The following ROBO2 variants were observed in gnomAD, a reference collection of about 807,000 sequenced individuals.
ROBO2 encodes roundabout guidance receptor 2, also known as roundabout homolog 2.
In ROBO2, 53 loss-of-function variants were observed where a neutral mutation model predicts 160.8. That is an observed-to-expected ratio of 0.33 (90% CI 0.26 to 0.41). The LOEUF is 0.41. Ranked by LOEUF, ROBO2 falls within the 10% of genes least tolerant of loss-of-function variation. The probability of loss-of-function intolerance (pLI) is 1.00; values close to 1 mark genes in which losing one functional copy is unlikely to be tolerated. For synonymous variants in ROBO2, 664 were observed against 611.7 expected (o/e 1.09, Z -1.26); for missense variants, 1,577 against 1,722.4 (o/e 0.92, Z 1.49).
chr3:77,483,409 T>G (rs1370362091), intron 4 of ROBO2, among the ~76,000 whole-genome samples: 1 of 152,082 alleles, frequency 6.6e-6, no homozygotes, highest in Non-Finnish European at 1.5e-5. Flanking sequence ...TCTTCTTTAT[T>G]TTATGCTGGT....
chr3:77,590,435 T>C (rs2094152434), intron 17 of ROBO2, among the ~76,000 whole-genome samples: 1 of 152,198 alleles, frequency 6.6e-6, no homozygotes, highest in African/African-American at 2.4e-5. Context: ...CTTCTTGTTA[T>C]GCAGTCCGGT....
chr3:76,523,986 A>ATGTG (rs67480680), intron 2 of ROBO2, among the ~76,000 whole-genome samples: 47 of 149,438 alleles, frequency 3.1e-4, no homozygotes, highest in South Asian at 1.5e-3. Context: ...GTGTGTGTGT[A>ATGTG]TGTGTGTGTG....
chr3:76,280,888 T>C (rs1576242468), intron 2 of ROBO2, among the ~76,000 whole-genome samples: 1 of 151,984 alleles, frequency 6.6e-6, no homozygotes, highest in Non-Finnish European at 1.5e-5. Context: ...GTGAAGGTTC[T>C]TTAATAGCAT....
At chr3:76,013,347 G>A (rs1162990459) in intron 2 of ROBO2, among the ~76,000 whole-genome samples, 1 of 127,402 alleles carries the variant, frequency 7.8e-6, no homozygotes, top group Non-Finnish European at 1.6e-5. Flanking sequence ...GCACGGTGGT[G>A]TATGCGTGTA....
At position 76,146,697 on chromosome 3, in the gene ROBO2, G is replaced by GGTGTGTGC. The variant is rs1553657638; in HGVS notation, c.109+209102_109+209103insCGTGTGTG. Among the ~76,000 whole-genome samples, 120 of 136,496 alleles carry GGTGTGTGC rather than the reference G, an allele frequency of 8.8e-4. 1 individual carries two copies. Among genetic ancestry groups the GGTGTGTGC allele is most frequent in the East Asian group, 8.6e-3 (34 of 3,954 alleles). 89.5% of individuals were successfully genotyped at this position (136,496 alleles called of 152,430 possible). A position where few individuals can be genotyped will look rare whatever the true frequency, so the allele number is the denominator to read the frequency against. ...CACTTAAAAGCATGGGATTACATAG[G>GGTGTGTGC]GTGTGTGTGTGTGTGTGTGTGTGTG... On this transcript the variant is annotated intron_variant, in intron 2 of 26. Transcript: ENST00000487694.
intron 2 of ROBO2, among the ~76,000 whole-genome samples, chr3:77,277,750 C>T (rs1270252135): frequency 1.3e-5 from 2 of 152,120 alleles, no homozygotes. Flanking sequence ...GTGAATAGTG[C>T]TGCAATGAGC....
chr3:76,266,687 T>G (rs2107612562), intron 2 of ROBO2, among the ~76,000 whole-genome samples: 1 of 152,264 alleles, frequency 6.6e-6, no homozygotes, highest in East Asian at 1.9e-4. Flanking sequence ...ATTTGTCCAG[T>G]CTCATTATGA....
At chr3:77,071,845 C>A (rs1023475670) in intron 1 of ROBO2, among the ~76,000 whole-genome samples, 4 of 152,124 alleles carry the variant, frequency 2.6e-5, no homozygotes, top group Non-Finnish European at 5.9e-5. Flanking sequence ...AAATCAATAA[C>A]AAATCTATCC....
chr3:76,844,752 T>C, intron 2 of ROBO2, among the ~76,000 whole-genome samples: 1 of 151,898 alleles, frequency 6.6e-6, no homozygotes, highest in East Asian at 1.9e-4. Context: ...AATCTAGAGG[T>C]TTGCCTTTTC....
At chr3:76,979,166 A>G (rs944834422) in intron 2 of ROBO2, among the ~76,000 whole-genome samples, 2 of 151,792 alleles carry the variant, frequency 1.3e-5, no homozygotes, top group African/African-American at 4.8e-5. Flanking sequence ...TTGGTCTCGA[A>G]CTCCTGGGCT....
chr3:77,621,926 C>A (rs557645623), intron 22 of ROBO2, among the ~76,000 whole-genome samples: 1 of 151,914 alleles, frequency 6.6e-6, no homozygotes, highest in Admixed American at 6.6e-5. Flanking sequence ...TTACTCGTGG[C>A]GAATATTCCT....
At chr3:76,178,779 T>C (rs989866129) in intron 2 of ROBO2, among the ~76,000 whole-genome samples, 2 of 151,912 alleles carry the variant, frequency 1.3e-5, no homozygotes, top group East Asian at 3.9e-4. Flanking sequence ...CTGTCTCTAC[T>C]AAAAGTACAA....
intron 2 of ROBO2, among the ~76,000 whole-genome samples, chr3:76,628,433 G>GTTT (rs10670772): frequency 0.013 from 1,780 of 135,336 alleles, 45 homozygotes; most frequent in East Asian, 0.063. Flanking sequence ...TAATTTTTAG[G>GTTT]TTTTTTTTTT....
chr3:77,614,060 G>T (rs1164674587), intron 21 of ROBO2, among the ~76,000 whole-genome samples: 4 of 152,158 alleles, frequency 2.6e-5, no homozygotes, highest in Non-Finnish European at 4.4e-5. Flanking sequence ...TATTTGAGCA[G>T]GAGATTCTTG....
intron 2 of ROBO2, among the ~76,000 whole-genome samples, chr3:76,350,217 AT>A (rs908536513): frequency 6.6e-6 from 1 of 151,980 alleles, no homozygotes. Context: ...GGGATTTTTC[AT>A]TTTTTGTTTT....
At chr3:77,134,955 C>T (rs1440081705) in intron 2 of ROBO2, among the ~76,000 whole-genome samples, 1 of 152,210 alleles carries the variant, frequency 6.6e-6, no homozygotes, top group Non-Finnish European at 1.5e-5. Context: ...GGGCCCACCC[C>T]CCGTTTGCTG....
intron 2 of ROBO2, among the ~76,000 whole-genome samples, chr3:76,926,450 G>T (rs2076996904): frequency 6.6e-6 from 1 of 152,130 alleles, no homozygotes; most frequent in African/African-American, 2.4e-5. Context: ...TTTTATCTTT[G>T]CATTGATTGT....
At chr3:76,583,881 T>C (rs1001884772) in intron 2 of ROBO2, among the ~76,000 whole-genome samples, 5 of 152,208 alleles carry the variant, frequency 3.3e-5, no homozygotes, top group African/African-American at 1.2e-4. Flanking sequence ...AGCCATGCTT[T>C]TTCTCTATTA....
chr3:75,968,693 A>G (rs1204665417), intron 2 of ROBO2, among the ~76,000 whole-genome samples: 2 of 151,578 alleles, frequency 1.3e-5, no homozygotes, highest in African/African-American at 2.4e-5. Flanking sequence ...TACTCATCCT[A>G]CATGACTGCC....
Sources: gnomAD v4.1 joint callset for allele counts (sites outside exome capture counted in the v4.1 genomes callset) on GRCh38, gnomAD v4.1.1 for gene constraint, MANE v1.5 for transcripts, NCBI Gene and HGNC (gene_info 2026-07-23, HGNC 2026-07-21) for gene names.